The following MERTK variants were observed in gnomAD, a reference collection of about 807,000 sequenced individuals.
The protein encoded by MERTK is tyrosine-protein kinase Mer.
A neutral mutation model predicts 99.3 loss-of-function variants in MERTK; 69 were observed. That is an observed-to-expected ratio of 0.70 (90% CI 0.57 to 0.85). The LOEUF (loss-of-function observed/expected upper bound fraction) is 0.85. Ranked by LOEUF, MERTK falls within the 40% of genes least tolerant of loss-of-function variation. The pLI, the probability that MERTK is intolerant of heterozygous loss-of-function variation, is 0.00. For missense variants in MERTK, 1,125 were observed against 1,249.4 expected (o/e 0.90, Z 1.50); for synonymous variants, 426 against 467.6 (o/e 0.91, Z 1.15).
At chr2:112,021,680 G>T (rs1677353798) in intron 17 of MERTK, 99 bp downstream of exon 17, 9 of 1,145,676 alleles carry the variant, frequency 7.9e-6, no homozygotes, top group Non-Finnish European at 1.2e-5. Flanking sequence ...TTTACTCTTT[G>T]ATAAACTGAG....
chr2:112,003,946 A>G lies in MERTK; in HGVS notation c.1829A>G (p.Asp610Gly), dbSNP rs568271458. The G allele has an allele frequency of 6.2e-7, 1 of 1,613,796 alleles. No individual in the cohort carries two copies. Among genetic ancestry groups the G allele is most frequent in the East Asian group, 2.2e-5 (1 of 44,880 alleles). ...SVMEGNLKQEDGTSLKVAVKT... is the reference protein window; with the variant it reads ...SVMEGNLKQEGGTSLKVAVKT... Reference sequence around the variant, plus strand: ...ATGGAAGGAAATCTTAAGCAGGAAGATGGGACCTCTCTGAAAGTGGCAGTG... The same window carrying G: ...ATGGAAGGAAATCTTAAGCAGGAAGGTGGGACCTCTCTGAAAGTGGCAGTG... Residue 610 changes from aspartate (D) to glycine (G), a missense_variant, in exon 13 of 19, where the codon GAT (aspartate) becomes GGT (glycine). Physicochemically the swap from Asp to Gly is moderately conservative, Grantham distance 94. Coordinates refer to ENST00000295408, the MANE Select transcript of MERTK (RefSeq NM_006343.3).
At chr2:111,959,501 G>T (rs1685206136) in intron 4 of MERTK, among the ~76,000 whole-genome samples, 2 of 151,902 alleles carry the variant, frequency 1.3e-5, no homozygotes, top group South Asian at 4.2e-4. Flanking sequence ...GTTTGTTTTT[G>T]TGTGTGTGTG....
At chr2:111,922,799 C>G (rs530851854) in intron 1 of MERTK, among the ~76,000 whole-genome samples, 2 of 152,254 alleles carry the variant, frequency 1.3e-5, no homozygotes, top group South Asian at 4.1e-4. Context: ...TAGCTAACCT[C>G]TGAGCAGCAC....
In MERTK at chr2:112,022,296, G is replaced by A; in HGVS notation, c.2388G>A (p.Arg796=). 1 of 1,614,224 alleles carries A rather than the reference G, an allele frequency of 6.2e-7. No homozygotes were observed. Among genetic ancestry groups the A allele is most frequent in the Non-Finnish European group, 8.5e-7 (1 of 1,180,048 alleles). The change falls in exon 18 of 19, where the codon CGG becomes CGA. Residue 796 remains arginine (R), a synonymous_variant. Coordinates refer to ENST00000295408, the MANE Select transcript of MERTK (RefSeq NM_006343.3). ...TGACCATGTGGGAAATAGCTACGCG[G>A]GGAATGACTCCCTATCCTGGGGTCC... The part of the protein sequence containing the change: ...FGVTMWEIAT[R]GMTPYPGVQN...
intron 1 of MERTK, among the ~76,000 whole-genome samples, chr2:111,922,706 A>G (rs780541884): frequency 6.6e-6 from 1 of 152,218 alleles, no homozygotes; most frequent in Non-Finnish European, 1.5e-5. Flanking sequence ...CAAGAGTTCA[A>G]AGAAGTTATA....
intron 4 of MERTK, among the ~76,000 whole-genome samples, chr2:111,954,898 C>T (rs112839422): frequency 4.6e-3 from 699 of 152,212 alleles, no homozygotes; most frequent in Non-Finnish European, 7.5e-3. Context: ...AAAAGAACTA[C>T]GTAAAAACTT....
chr2:112,017,437 C>T (rs900684422), intron 15 of MERTK, among the ~76,000 whole-genome samples: 5 of 152,096 alleles, frequency 3.3e-5, no homozygotes, highest in Non-Finnish European at 7.3e-5. Context: ...TGAGACTGGC[C>T]TGGCCAACAT....
chr2:111,914,563 G>A (rs1684314978), intron 1 of MERTK, among the ~76,000 whole-genome samples: 1 of 152,206 alleles, frequency 6.6e-6, no homozygotes, highest in African/African-American at 2.4e-5. Flanking sequence ...ACAGGCATGA[G>A]CCACCATGTC....
intron 8 of MERTK, among the ~76,000 whole-genome samples, chr2:111,985,885 A>G (rs1188480791): frequency 6.6e-6 from 1 of 152,178 alleles, no homozygotes; most frequent in Non-Finnish European, 1.5e-5. Flanking sequence ...TCTTCATGGT[A>G]TCTATATGGA....
rs761828131 is a variant in MERTK, at chr2:111,994,352, A to AG, written c.1403dup (p.Val469SerfsTer6). On this transcript the variant is annotated frameshift_variant, in exon 9 of 19. Transcript: ENST00000295408. LOFTEE classifies it high-confidence loss of function. Reference sequence around the variant, plus strand: ...CAGTGAGGATTGCAGCCGTCACCAGAGGGGGAGTTGGGCCCTTCAGTGATC... The same window carrying AG: ...CAGTGAGGATTGCAGCCGTCACCAGAGGGGGGAGTTGGGCCCTTCAGTGATC... 1 of 1,614,046 alleles carries AG rather than the reference A, an allele frequency of 6.2e-7. No individual in the cohort carries two copies. Among genetic ancestry groups the AG allele is most frequent in the African/African-American group, 1.3e-5 (1 of 74,920 alleles).
rs772663707 is a variant in MERTK, at chr2:111,968,137, C to A, written c.845C>A (p.Ala282Glu). 1.2e-6 allele frequency: 2 copies of A among 1,605,210 alleles called. No homozygotes were observed. The highest frequency in any genetic ancestry group is 2.2e-5 in the East Asian group (1 of 44,842). Residue 282 changes from alanine (A) to glutamate (E), a missense_variant and splice_region_variant, in exon 6 of 19, where the codon GCA (alanine) becomes GAA (glutamate). Physicochemically the swap from Ala to Glu is moderately radical, Grantham distance 107. Transcript: ENST00000295408. ...VSKGVQINIK[A>E]IPSPPTEVSI... ...TGTGTGTGTGTTTTGTTTTATGCAG[C>A]AATTCCCTCCCCACCAACTGAAGTC...
At chr2:112,020,505 C>T (rs1338630674) in intron 16 of MERTK, 2 of 451,568 alleles carry the variant, frequency 4.4e-6, no homozygotes, top group African/African-American at 4.1e-5. Context: ...TCCTTTTATT[C>T]TTTCTTCTCC....
chr2:112,020,664 C>T (rs1677322222), intron 16 of MERTK: 1 of 470,938 alleles, frequency 2.1e-6, no homozygotes, highest in Non-Finnish European at 4.4e-6. Context: ...GGTAATTCCC[C>T]ATCTTCCCCA....
chr2:111,923,366 T>G lies in MERTK; in HGVS notation c.62-5754T>G, dbSNP rs147321762. Among the ~76,000 whole-genome samples, 824 of 152,272 alleles carry G rather than the reference T, an allele frequency of 5.4e-3. 8 individuals carry two copies. The highest frequency in any genetic ancestry group is 0.019 in the African/African-American group (795 of 41,552). On this transcript the variant is annotated intron_variant, in intron 1 of 18. Transcript: ENST00000295408. ...GACTTTAAGAAGCGGACGCTAGGGC[T>G]CTGGTCAAGGGCTGCATGGTGATTG... is the stretch of plus-strand genomic sequence containing the variant.
intron 1 of MERTK, among the ~76,000 whole-genome samples, chr2:111,918,701 A>T (rs939095013): frequency 2.0e-5 from 3 of 152,250 alleles, no homozygotes; most frequent in Admixed American, 2.0e-4. Flanking sequence ...TCCAGGCATG[A>T]CTAGTTGCAC....
At chr2:111,991,872 T>C (rs1427053257) in intron 8 of MERTK, among the ~76,000 whole-genome samples, 1 of 152,200 alleles carries the variant, frequency 6.6e-6, no homozygotes, top group Non-Finnish European at 1.5e-5. Flanking sequence ...TGTTGAAGTA[T>C]TGGCCTTTTG....
rs1553443592 is a variant in MERTK at position 111,902,808 on chromosome 2, C to CCCTCTCTT, written c.61+4012_61+4013insCCTCTCTT. Among the ~76,000 whole-genome samples, 312 of 144,026 alleles carry CCCTCTCTT rather than the reference C, an allele frequency of 2.2e-3. 2 individuals carry two copies. Among genetic ancestry groups the CCCTCTCTT allele is most frequent in the South Asian group, 4.8e-3 (21 of 4,384 alleles). The allele number at this position is 144,026 out of a possible 152,430, so 94.5% of individuals were successfully genotyped here. Reference sequence around the variant, plus strand: ...TTCCTTCCTCCCTCCCTCCCTCCCTCTATTTCTTTATTGACAGAGTCTTGC... The same window carrying CCCTCTCTT: ...TTCCTTCCTCCCTCCCTCCCTCCCTCCCTCTCTTTATTTCTTTATTGACAGAGTCTTGC... On this transcript the variant is annotated intron_variant, in intron 1 of 18. Coordinates refer to ENST00000295408, the MANE Select transcript of MERTK (RefSeq NM_006343.3).
chr2:111,993,206 T>C (rs1676667152), intron 8 of MERTK, among the ~76,000 whole-genome samples: 1 of 152,184 alleles, frequency 6.6e-6, no homozygotes, highest in Non-Finnish European at 1.5e-5. Context: ...TGATGTCCAC[T>C]GCCTGTTTAA....
chr2:111,967,585 A>C (rs1014682740), intron 5 of MERTK, among the ~76,000 whole-genome samples: 4 of 152,028 alleles, frequency 2.6e-5, no homozygotes, highest in African/African-American at 9.7e-5. Context: ...CTTTTGCTTG[A>C]ACTGACTCTT....
Sources: gnomAD v4.1 joint callset for allele counts (sites outside exome capture counted in the v4.1 genomes callset) on GRCh38, gnomAD v4.1.1 for gene constraint, MANE v1.5 for transcripts, NCBI Gene and HGNC (gene_info 2026-07-23, HGNC 2026-07-21) for gene names.